PHKA1: variants seen among roughly 807,000 people sequenced by gnomAD.
The protein encoded by PHKA1 is phosphorylase b kinase regulatory subunit alpha, skeletal muscle isoform.
Under a neutral mutation model 110.2 loss-of-function variants are expected in PHKA1, and 60 were observed. That is an observed-to-expected ratio of 0.54 (90% CI 0.44 to 0.68). The LOEUF (loss-of-function observed/expected upper bound fraction) is 0.68, where lower values mean the gene tolerates loss of function less well. Among genes scored for constraint, PHKA1 ranks in the 30% least tolerant of loss-of-function variants. PHKA1 has a pLI of 0.00. For missense variants in PHKA1, 801 were observed against 942.5 expected (o/e 0.85, Z 1.97); for synonymous variants, 316 against 333.6 (o/e 0.95, Z 0.58).
At chrX:72,669,537 C>G (rs1232074987) in intron 6 of PHKA1, among the ~76,000 whole-genome samples, 15 of 71,233 alleles carry the variant, frequency 2.1e-4, no homozygotes, top group African/African-American at 7.5e-4. Flanking sequence ...CCCCTCCCCC[C>G]ACCCCACAAC....
At chrX:72,686,770 C>T (rs928422079) in intron 4 of PHKA1, among the ~76,000 whole-genome samples, 3 of 112,132 alleles carry the variant, frequency 2.7e-5, no homozygotes, top group African/African-American at 9.7e-5. Flanking sequence ...CCACCATTAA[C>T]ATTTTAGTAT....
At chrX:72,645,697 T>C (rs1556296970) in intron 13 of PHKA1, among the ~76,000 whole-genome samples, 1 of 112,350 alleles carries the variant, frequency 8.9e-6, no homozygotes. Flanking sequence ...ATGGATGAGG[T>C]GCTATGCTAG....
intron 18 of PHKA1, chrX:72,622,321 T>C: frequency 1.3e-6 from 1 of 754,010 alleles, no homozygotes; most frequent in Non-Finnish European, 1.6e-6. Flanking sequence ...AACATACCAC[T>C]CTTAAGATAA....
At chrX:72,647,765 G>A (rs142479318) in intron 13 of PHKA1, among the ~76,000 whole-genome samples, 68 of 111,046 alleles carry the variant, frequency 6.1e-4, no homozygotes, top group African/African-American at 2.1e-3. Context: ...AGGAGGCTGA[G>A]GAACAGAAAG....
intron 6 of PHKA1, 68 bp from the exon 7 acceptor site, chrX:72,667,541 C>T: frequency 7.6e-6 from 6 of 785,142 alleles, no homozygotes; most frequent in Non-Finnish European, 1.2e-5. Flanking sequence ...CTCCCTATAT[C>T]CCAGTATCTT....
intron 4 of PHKA1, among the ~76,000 whole-genome samples, chrX:72,693,784 T>C (rs1716904716): frequency 9.0e-6 from 1 of 111,322 alleles, no homozygotes; most frequent in Non-Finnish European, 1.9e-5. Flanking sequence ...GTCCCTAAAC[T>C]GGGAACTAGC....
chrX:72,639,276 G>GT (rs2053266758), intron 14 of PHKA1, among the ~76,000 whole-genome samples: 2 of 111,969 alleles, frequency 1.8e-5, no homozygotes, highest in South Asian at 7.4e-4. Context: ...GTTCACGCCT[G>GT]TAATTCCAGC....
chrX:72,667,332 G>A (rs782284890), intron 7 of PHKA1, 43 bp downstream of exon 7: 2 of 983,736 alleles, frequency 2.0e-6, no homozygotes. Flanking sequence ...CTGAGTCTGG[G>A]CAAGAATAAA....
At chrX:72,633,782 T>G (rs1445813294) in intron 16 of PHKA1, among the ~76,000 whole-genome samples, 1 of 111,982 alleles carries the variant, frequency 8.9e-6, no homozygotes, top group Non-Finnish European at 1.9e-5. Flanking sequence ...AGTTTCAGAC[T>G]TCTGAGAAAA....
chrX:72,657,957 A>G (rs1179005746), intron 8 of PHKA1, among the ~76,000 whole-genome samples: 1 of 111,587 alleles, frequency 9.0e-6, no homozygotes, highest in African/African-American at 3.3e-5. Context: ...TTACTAATCT[A>G]TGTGGTCCTG....
chrX:72,712,695 G>A (rs2054400783), intron 2 of PHKA1, 84 bp downstream of exon 2: 1 of 913,692 alleles, frequency 1.1e-6, no homozygotes, highest in South Asian at 2.0e-5. Flanking sequence ...CTTTTGGTGG[G>A]TTTCACTTCC....
intron 6 of PHKA1, among the ~76,000 whole-genome samples, chrX:72,675,559 T>G (rs944088122): frequency 9.0e-6 from 1 of 111,658 alleles, no homozygotes; most frequent in African/African-American, 3.3e-5. Flanking sequence ...TTATTCCTGC[T>G]ATCTTATTGT....
intron 28 of PHKA1, among the ~76,000 whole-genome samples, chrX:72,596,033 T>C (rs1426404662): frequency 8.9e-6 from 1 of 112,215 alleles, no homozygotes; most frequent in Non-Finnish European, 1.9e-5. Context: ...AGTCAAGATA[T>C]GAAAACAACC....
intron 14 of PHKA1, among the ~76,000 whole-genome samples, chrX:72,642,816 C>T (rs916296501): frequency 2.7e-5 from 3 of 111,504 alleles, no homozygotes; most frequent in Non-Finnish European, 5.7e-5. Flanking sequence ...GAGACATATT[C>T]AACAAATTTG....
chrX:72,648,212 T>C (rs2053384102), intron 13 of PHKA1, among the ~76,000 whole-genome samples: 1 of 111,584 alleles, frequency 9.0e-6, no homozygotes, highest in Non-Finnish European at 1.9e-5. Context: ...AGTAAGTTTC[T>C]AGAGAATGCT....
chrX:72,585,822 G>A (rs1257028965), intron 29 of PHKA1, among the ~76,000 whole-genome samples: 2 of 112,491 alleles, frequency 1.8e-5, no homozygotes, highest in African/African-American at 6.5e-5. Context: ...CCCACTGCTA[G>A]CACAGCAGTC....
At chrX:72,672,644 T>G (rs375526090) in intron 6 of PHKA1, among the ~76,000 whole-genome samples, 2 of 112,185 alleles carry the variant, frequency 1.8e-5, no homozygotes, top group East Asian at 5.6e-4. Context: ...TCAATACTGC[T>G]ACATTGGTAA....
intron 21 of PHKA1, among the ~76,000 whole-genome samples, chrX:72,615,355 C>T (rs2052877899): frequency 9.0e-6 from 1 of 111,662 alleles, no homozygotes; most frequent in Non-Finnish European, 1.9e-5. Context: ...CTCTATTAAT[C>T]TAACGATGGT....
intron 3 of PHKA1, among the ~76,000 whole-genome samples, chrX:72,702,695 C>A (rs1162831232): frequency 1.8e-5 from 2 of 111,330 alleles, no homozygotes; most frequent in African/African-American, 6.5e-5. Context: ...AGAGATCAGG[C>A]GAAACCTGAG....
Sources: allele counts gnomAD v4.1 joint callset (sites outside exome capture counted in the v4.1 genomes callset), GRCh38; gene constraint gnomAD v4.1.1; transcripts MANE v1.5; gene names NCBI Gene and HGNC (gene_info 2026-07-23, HGNC 2026-07-21).